NLRP7: variants seen among roughly 807,000 people sequenced by gnomAD.
NLRP7 encodes NLR family pyrin domain containing 7.
A neutral mutation model predicts 85.5 loss-of-function variants in NLRP7; 72 were observed. That is an observed-to-expected ratio of 0.84 (90% CI 0.70 to 1.02). The LOEUF (loss-of-function observed/expected upper bound fraction) is 1.02. Among genes scored for constraint, NLRP7 ranks in the 50% least tolerant of loss-of-function variants. The pLI, the probability that NLRP7 is intolerant of heterozygous loss-of-function variation, is 0.00. For missense variants in NLRP7, 1,243 were observed against 1,219.5 expected (o/e 1.02, Z -0.29); for synonymous variants, 550 against 505.2 (o/e 1.09, Z -1.19).
chr19:54,942,260 A>C (rs1319498158), intron 1 of NLRP7, among the ~76,000 whole-genome samples: 5 of 99,680 alleles, frequency 5.0e-5, no homozygotes, highest in South Asian at 2.6e-4. Context: ...CGTCTCAAAA[A>C]AAAAAAAAAA....
intron 8 of NLRP7, among the ~76,000 whole-genome samples, chr19:54,931,316 T>C (rs2068667179): frequency 6.6e-6 from 1 of 151,752 alleles, no homozygotes; most frequent in Admixed American, 6.6e-5. Flanking sequence ...CTCAGCACTT[T>C]GGGAGACCAA....
chr19:54,961,625 G>A (rs894994955), intron 1 of NLRP7, among the ~76,000 whole-genome samples: 1 of 151,830 alleles, frequency 6.6e-6, no homozygotes, highest in African/African-American at 2.4e-5. Flanking sequence ...TCTCAGATCA[G>A]GAGTTCAAGA....
chr19:54,935,614 A>G (rs912721899), intron 6 of NLRP7, among the ~76,000 whole-genome samples: 1 of 150,418 alleles, frequency 6.6e-6, no homozygotes, highest in African/African-American at 2.5e-5. Flanking sequence ...AACTGCTTGA[A>G]CCCAGGAGGC....
At position 54,938,872 on chromosome 19, in the gene NLRP7, G is replaced by A. The variant is rs752371433; in HGVS notation, c.1931+16C>T. 1.2e-6 allele frequency: 2 copies of A among 1,613,426 alleles called. No individual in the cohort carries two copies. The highest frequency in any genetic ancestry group is 2.2e-5 in the East Asian group (1 of 44,888). On this transcript the variant is annotated intron_variant, in intron 4 of 9. Coordinates refer to ENST00000340844, the Ensembl canonical transcript of NLRP7. ...CCTCTTCCTAGTGGAGCGTGGGATGGGAAAACAGTTCTTACCTTTCAAATT... is the reference window on the plus strand; with the variant it reads ...CCTCTTCCTAGTGGAGCGTGGGATGAGAAAACAGTTCTTACCTTTCAAATT...
Position 54,966,035 on chromosome 19 carries a change from TA to T in NLRP7, c.-77+4del, listed in dbSNP as rs2070378152. 2.0e-5 allele frequency: 3 copies of T among 149,492 alleles called. No homozygotes were observed. In the South Asian group the frequency reaches 6.4e-4, roughly 32 times the overall value. 9.3% of individuals were successfully genotyped at this position (149,492 alleles called of 1,614,324 possible). ...AATACGGTTGGATTTTTATTAATAA[TA>T]TACCTGGGGTGATGGGAGAAGGTAG... On this transcript the variant is annotated splice_donor_region_variant and intron_variant, in intron 1 of 2. Coordinates refer to the NLRP7 transcript ENST00000587103.
At chr19:54,931,422 G>A (rs373838264) in intron 8 of NLRP7, among the ~76,000 whole-genome samples, 1 of 152,068 alleles carries the variant, frequency 6.6e-6, no homozygotes, top group South Asian at 2.1e-4. Flanking sequence ...GGGCACGATG[G>A]CTCACACCTG....
At chr19:54,935,698 A>G (rs1025299127) in intron 6 of NLRP7, among the ~76,000 whole-genome samples, 19 of 147,084 alleles carry the variant, frequency 1.3e-4, no homozygotes, top group Non-Finnish European at 2.1e-4. Context: ...CTCAAAGAAA[A>G]AAAAAAAAAA....
At chr19:54,950,118 G>C (rs2069621760), upstream of NLRP7, among the ~76,000 whole-genome samples, 1 of 151,748 alleles carries the variant, frequency 6.6e-6, no homozygotes, top group Non-Finnish European at 1.5e-5. Flanking sequence ...AAAAAACCAG[G>C]AAAGAGTTCA....
At chr19:54,944,985 A>G (rs1039340429) in intron 1 of NLRP7, among the ~76,000 whole-genome samples, 5 of 151,898 alleles carry the variant, frequency 3.3e-5, no homozygotes, top group Non-Finnish European at 5.9e-5. Context: ...CACGCCTGTA[A>G]TCCCAGCACT....
At chr19:54,939,570 G>C in exon 4 of NLRP7, 9 of 1,612,326 alleles carry the variant, frequency 5.6e-6, no homozygotes, top group Non-Finnish European at 7.6e-6. Context: ...GCGGCCAGGA[G>C]GCTCAGCGTC....
intron 1 of NLRP7, among the ~76,000 whole-genome samples, chr19:54,958,927 G>A (rs2069943938): frequency 2.0e-5 from 3 of 152,072 alleles, no homozygotes; most frequent in Non-Finnish European, 2.9e-5. Context: ...TGCACTGCTG[G>A]TCAGAGAGAA....
At chr19:54,927,642 C>T in intron 9 of NLRP7, 2 of 1,614,092 alleles carry the variant, frequency 1.2e-6, no homozygotes, top group Admixed American at 1.7e-5. Context: ...TGTCTTAGAA[C>T]CCCAAAGAGC....
rs111667281 is a variant in NLRP7, at chr19:54,934,957, G to A, written c.2301-298C>T. On this transcript the variant is annotated intron_variant, in intron 6 of 9. Transcript: ENST00000340844. This position sits in a 1 kb window ranked among gnomAD's most constrained non-coding sequence, Gnocchi z 6.7. The stretch of plus-strand genomic sequence containing the variant: ...GGTGATCCACCCACCTTGGCCTACC[G>A]AAGTACTGGGATTACAGGTGTGAGC... 0.26 allele frequency among the ~76,000 whole-genome samples: 39,755 copies of A among 151,944 alleles called. 5,498 individuals are homozygous for A. Among genetic ancestry groups the A allele is most frequent in the Admixed American group, 0.35 (5,375 of 15,254 alleles).
chr19:54,932,389 C>T (rs1229639609), intron 8 of NLRP7, among the ~76,000 whole-genome samples: 1 of 151,168 alleles, frequency 6.6e-6, no homozygotes, highest in African/African-American at 2.4e-5. Context: ...GATTACACCA[C>T]TGCATTCCAG....
intron 1 of NLRP7, among the ~76,000 whole-genome samples, chr19:54,959,629 A>G (rs1276250316): frequency 6.6e-6 from 1 of 151,746 alleles, no homozygotes; most frequent in Non-Finnish European, 1.5e-5. Flanking sequence ...CCTGGGCAAC[A>G]TAGCAAGACC....
intron 9 of NLRP7, among the ~76,000 whole-genome samples, chr19:54,926,230 TCATGCACACACATACACA>T: frequency 2.4e-5 from 2 of 82,114 alleles, no homozygotes; most frequent in African/African-American, 7.9e-5. Flanking sequence ...GTGTGTGTGC[TCATGCACACACATACACA>T]CAAGCTTCCA....
chr19:54,926,984 G>A (rs1467828227), intron 9 of NLRP7, among the ~76,000 whole-genome samples: 4 of 151,594 alleles, frequency 2.6e-5, no homozygotes, highest in South Asian at 4.2e-4. Flanking sequence ...CAGCTACTCA[G>A]GAGGTTGAGG....
At chr19:54,956,416 A>G (rs2069855275) in intron 1 of NLRP7, among the ~76,000 whole-genome samples, 1 of 150,538 alleles carries the variant, frequency 6.6e-6, no homozygotes, top group Admixed American at 6.6e-5. Context: ...AGGACTGGGT[A>G]TGGTGGTTCA....
At chr19:54,925,538 G>C (rs2068392298) in intron 9 of NLRP7, among the ~76,000 whole-genome samples, 1 of 151,786 alleles carries the variant, frequency 6.6e-6, no homozygotes, top group African/African-American at 2.4e-5. Context: ...GTGCACAGTG[G>C]CTCACGCCTG....
Sources: allele counts gnomAD v4.1 joint callset (sites outside exome capture counted in the v4.1 genomes callset), GRCh38; gene constraint gnomAD v4.1.1; non-coding constraint Gnocchi (gnomAD v3.1); transcripts MANE v1.5; gene names NCBI Gene and HGNC (gene_info 2026-07-23, HGNC 2026-07-21).